DOK5: variants seen among roughly 807,000 people sequenced by gnomAD.
DOK5 encodes the protein docking protein 5.
Under a neutral mutation model 43.3 loss-of-function variants are expected in DOK5, and 27 were observed. The observed-to-expected ratio is 0.62, with a 90% CI of 0.46 to 0.86. The LOEUF (loss-of-function observed/expected upper bound fraction) is 0.86, where lower values mean the gene tolerates loss of function less well. Among genes scored for constraint, DOK5 ranks in the 40% least tolerant of loss-of-function variants. The pLI is 0.00. For synonymous variants in DOK5, 146 were observed against 140.1 expected (o/e 1.04, Z -0.30); for missense variants, 373 against 392.9 (o/e 0.95, Z 0.43).
chr20:54,645,566 T>C (rs1254170627), intron 7 of DOK5, among the ~76,000 whole-genome samples: 1 of 152,090 alleles, frequency 6.6e-6, no homozygotes, highest in African/African-American at 2.4e-5. Flanking sequence ...CACCTCCAGG[T>C]CTCACCTCCA....
chr20:54,526,225 C>A (rs1027151143), intron 1 of DOK5, among the ~76,000 whole-genome samples: 5 of 151,688 alleles, frequency 3.3e-5, no homozygotes, highest in Non-Finnish European at 5.9e-5. Flanking sequence ...GCTGTTTCTT[C>A]CTTCCTCTAT....
chr20:54,603,866 T>A (rs1237193113), intron 5 of DOK5, among the ~76,000 whole-genome samples: 1 of 151,954 alleles, frequency 6.6e-6, no homozygotes, highest in Admixed American at 6.6e-5. Flanking sequence ...TACGTTTTCT[T>A]GTCATAGTGT....
chr20:54,510,304 T>A (rs1600670903), intron 1 of DOK5, among the ~76,000 whole-genome samples: 1 of 152,168 alleles, frequency 6.6e-6, no homozygotes, highest in African/African-American at 2.4e-5. Context: ...AGAGTCACAC[T>A]TGACACTTAA....
chr20:54,604,829 C>T (rs1156663851), intron 5 of DOK5, among the ~76,000 whole-genome samples: 2 of 151,668 alleles, frequency 1.3e-5, no homozygotes, highest in Admixed American at 1.3e-4. Flanking sequence ...GGTGAAACCC[C>T]ATCTCAACTA....
At chr20:54,523,023 A>C (rs1485845512) in intron 1 of DOK5, among the ~76,000 whole-genome samples, 1 of 152,190 alleles carries the variant, frequency 6.6e-6, no homozygotes, top group Non-Finnish European at 1.5e-5. Context: ...TTAGAGTAAA[A>C]AAAGTATGTC....
At chr20:54,630,473 C>G (rs778638000) in intron 6 of DOK5, among the ~76,000 whole-genome samples, 20 of 152,082 alleles carry the variant, frequency 1.3e-4, no homozygotes, top group Non-Finnish European at 2.9e-4. Flanking sequence ...TACCGGTCAT[C>G]CGGGTGGGAG....
chr20:54,477,326 T>A (rs966565980), intron 1 of DOK5, among the ~76,000 whole-genome samples: 23 of 152,316 alleles, frequency 1.5e-4, no homozygotes, highest in African/African-American at 5.1e-4. Flanking sequence ...ATAAAACTCT[T>A]GCCTAATTCG....
chr20:54,568,010 A>G lies in DOK5; in HGVS notation c.174+12970A>G, dbSNP rs144127809. 3.9e-3 allele frequency among the ~76,000 whole-genome samples: 596 copies of G among 152,326 alleles called. 5 individuals are homozygous for G. Among genetic ancestry groups the G allele is most frequent in the African/African-American group, 0.013 (552 of 41,586 alleles). On this transcript the variant is annotated intron_variant, in intron 2 of 7. Transcript: ENST00000262593. ...TTTTTGGCCTATGATATGACAAAAC[A>G]ATCATCTAGTTTTCTCTCCTACCCC...
chr20:54,543,565 G>A (rs1016106117), intron 1 of DOK5, among the ~76,000 whole-genome samples: 20 of 151,598 alleles, frequency 1.3e-4, no homozygotes, highest in African/African-American at 4.6e-4. Flanking sequence ...GTGTGTGTGT[G>A]TGTGTATGTG....
chr20:54,542,113 C>CACACACACACACACACAT (rs1568774895), intron 1 of DOK5, among the ~76,000 whole-genome samples: 2 of 151,504 alleles, frequency 1.3e-5, no homozygotes, highest in African/African-American at 4.9e-5. Flanking sequence ...CACACACACA[C>CACACACACACACACACAT]ACACACACAC....
chr20:54,562,738 A>G (rs1207930072), intron 2 of DOK5, among the ~76,000 whole-genome samples: 2 of 147,678 alleles, frequency 1.4e-5, no homozygotes, highest in Non-Finnish European at 3.0e-5. Context: ...GCATATTTAC[A>G]TTAAAAAAAT....
At chr20:54,571,446 GC>G (rs1183378143) in intron 2 of DOK5, among the ~76,000 whole-genome samples, 1 of 152,158 alleles carries the variant, frequency 6.6e-6, no homozygotes, top group Non-Finnish European at 1.5e-5. Flanking sequence ...TGAGGCAGCT[GC>G]CTTGTTCATT....
At chr20:54,527,420 G>A (rs1251024839) in intron 1 of DOK5, among the ~76,000 whole-genome samples, 2 of 152,080 alleles carry the variant, frequency 1.3e-5, no homozygotes, top group Non-Finnish European at 2.9e-5. Context: ...CCCTCAGCTC[G>A]CTGCTTTCAC....
rs145969865 is a variant in DOK5 at position 54,517,469 on chromosome 20, G to C, written c.67-37464G>C. On this transcript the variant is annotated intron_variant, in intron 1 of 7. Transcript: ENST00000262593. ...AGGTTTCATATGTTTTAGTTTAAAG[G>C]CTGACTTTGCCATTTGTAAGCTGGG... 5.3e-5 allele frequency among the ~76,000 whole-genome samples: 8 copies of C among 152,248 alleles called. No homozygotes were observed. The East Asian group carries it at 1.5e-3, about 29-fold the overall frequency.
At chr20:54,498,753 T>C (rs984895451) in intron 1 of DOK5, among the ~76,000 whole-genome samples, 4 of 152,214 alleles carry the variant, frequency 2.6e-5, no homozygotes, top group African/African-American at 9.7e-5. Flanking sequence ...GAAAATCATG[T>C]TCTATTGAGC....
intron 1 of DOK5, among the ~76,000 whole-genome samples, chr20:54,488,295 C>CACTGGTTTGAATCCATCTTCTCCATTA (rs1982021917): frequency 6.6e-6 from 1 of 152,196 alleles, no homozygotes; most frequent in Non-Finnish European, 1.5e-5. Context: ...GAGAAGTCTT[C>CACTGGTTTGAATCCATCTTCTCCATTA]ACTGGTTTGA....
intron 1 of DOK5, among the ~76,000 whole-genome samples, chr20:54,492,775 C>T (rs1198084078): frequency 1.3e-5 from 2 of 151,380 alleles, no homozygotes; most frequent in Admixed American, 6.6e-5. Flanking sequence ...TGTTCTTGGC[C>T]AGGTGCGGTG....
intron 2 of DOK5, among the ~76,000 whole-genome samples, chr20:54,575,270 G>A (rs985722019): frequency 6.6e-6 from 1 of 152,180 alleles, no homozygotes; most frequent in African/African-American, 2.4e-5. Flanking sequence ...GAATCCTCAT[G>A]GGATTCTGGA....
At chr20:54,537,841 T>G (rs1470655682) in intron 1 of DOK5, among the ~76,000 whole-genome samples, 2 of 142,408 alleles carry the variant, frequency 1.4e-5, no homozygotes, top group Non-Finnish European at 1.5e-5. Context: ...CTTTTTTTTT[T>G]TTTTTTTTTT....
Sources: gnomAD v4.1 joint callset for allele counts (sites outside exome capture counted in the v4.1 genomes callset) on GRCh38, gnomAD v4.1.1 for gene constraint, MANE v1.5 for transcripts, NCBI Gene and HGNC (gene_info 2026-07-23, HGNC 2026-07-21) for gene names.